The following CYP7B1 variants were observed in gnomAD, a reference collection of about 807,000 sequenced individuals.
CYP7B1 encodes the protein cytochrome P450 7B1.
In CYP7B1, 29 loss-of-function variants were observed where a neutral mutation model predicts 42.7. That is an observed-to-expected ratio of 0.68 (90% confidence interval 0.51 to 0.93). CYP7B1 has a LOEUF of 0.93. CYP7B1 is among the 40% of genes least tolerant of loss of function. The probability of loss-of-function intolerance (pLI) is 0.00; values close to 1 mark genes in which losing one functional copy is unlikely to be tolerated. For missense variants in CYP7B1, 655 were observed against 600.5 expected, an observed-to-expected ratio of 1.09 and a Z score of -0.95; for synonymous variants, 235 against 218.2, an observed-to-expected ratio of 1.08 and a Z score of -0.68.
At chr8:64,628,148 C>G (rs950628189) in intron 1 of CYP7B1, among the ~76,000 whole-genome samples, 2 of 152,164 alleles carry the variant, frequency 1.3e-5, no homozygotes, top group Non-Finnish European at 2.9e-5. Flanking sequence ...ATATACATTT[C>G]CTCAAATCTT....
chr8:64,651,509 T>A (rs759227667), intron 1 of CYP7B1, among the ~76,000 whole-genome samples: 2 of 152,248 alleles, frequency 1.3e-5, no homozygotes, highest in African/African-American at 2.4e-5. Context: ...TGGAATAAGA[T>A]CTTTTTCTGT....
chr8:64,721,717 A>T (rs1219401179), intron 1 of CYP7B1, among the ~76,000 whole-genome samples: 1 of 152,138 alleles, frequency 6.6e-6, no homozygotes, highest in Non-Finnish European at 1.5e-5. Context: ...TATAGATGAA[A>T]ATATTTACAG....
chr8:64,701,633 T>G (rs924563221), intron 1 of CYP7B1, among the ~76,000 whole-genome samples: 1 of 152,084 alleles, frequency 6.6e-6, no homozygotes, highest in Non-Finnish European at 1.5e-5. Flanking sequence ...TAGGTATAGA[T>G]AGTCTCTCTA....
chr8:64,654,139 C>T (rs1038323627), intron 1 of CYP7B1, among the ~76,000 whole-genome samples: 15 of 152,174 alleles, frequency 9.9e-5, no homozygotes, highest in Non-Finnish European at 2.2e-4. Context: ...CTCACCACTC[C>T]TATTCAACAT....
chr8:64,740,634 A>G (rs1416373184), intron 1 of CYP7B1, among the ~76,000 whole-genome samples: 1 of 151,904 alleles, frequency 6.6e-6, no homozygotes, highest in Non-Finnish European at 1.5e-5. Flanking sequence ...AACAGAGAAG[A>G]TATAACTTGC....
intron 1 of CYP7B1, among the ~76,000 whole-genome samples, chr8:64,759,042 T>C (rs753410153): frequency 1.3e-5 from 2 of 152,190 alleles, no homozygotes; most frequent in African/African-American, 4.8e-5. Context: ...GGAGTCCTGC[T>C]GTACTGTGAG....
At chr8:64,629,302 CT>C (rs199657235) in intron 1 of CYP7B1, among the ~76,000 whole-genome samples, 1,846 of 151,274 alleles carry the variant, frequency 0.012, 21 homozygotes, top group South Asian at 0.027. Flanking sequence ...TTCTTTTCCA[CT>C]TTTCCTGTAA....
At chr8:64,676,011 A>G (rs897091064) in intron 1 of CYP7B1, among the ~76,000 whole-genome samples, 2 of 152,094 alleles carry the variant, frequency 1.3e-5, no homozygotes, top group Non-Finnish European at 2.9e-5. Flanking sequence ...TTAACTCCCC[A>G]GTCCGGACAG....
chr8:64,678,714 C>T (rs1806488404), intron 1 of CYP7B1, among the ~76,000 whole-genome samples: 1 of 152,058 alleles, frequency 6.6e-6, no homozygotes, highest in Non-Finnish European at 1.5e-5. Flanking sequence ...GAAAACGCTG[C>T]TTTGAGGTAG....
intron 4 of CYP7B1, among the ~76,000 whole-genome samples, chr8:64,610,087 A>G (rs1042291679): frequency 5.9e-5 from 9 of 152,182 alleles, no homozygotes; most frequent in Non-Finnish European, 1.0e-4. Context: ...CATGTTTCTC[A>G]TCCTATTCTT....
chr8:64,606,924 C>T (rs560866569), intron 4 of CYP7B1, among the ~76,000 whole-genome samples: 25 of 152,256 alleles, frequency 1.6e-4, no homozygotes, highest in East Asian at 1.4e-3. Context: ...CAGAGCTATA[C>T]GTTGAGAAGA....
At chr8:64,614,561 T>C (rs911166257) in intron 4 of CYP7B1, among the ~76,000 whole-genome samples, 1 of 152,180 alleles carries the variant, frequency 6.6e-6, no homozygotes, top group African/African-American at 2.4e-5. Context: ...TCTGTGTTTT[T>C]GAGAATCACA....
chr8:64,600,779 T>C (rs1338547379), intron 5 of CYP7B1, among the ~76,000 whole-genome samples: 1 of 152,180 alleles, frequency 6.6e-6, no homozygotes, highest in Non-Finnish European at 1.5e-5. Context: ...AGCCCTGGTT[T>C]ACCAGCACAC....
At chr8:64,742,429 A>G (rs527754285) in intron 1 of CYP7B1, among the ~76,000 whole-genome samples, 1 of 152,120 alleles carries the variant, frequency 6.6e-6, no homozygotes, top group African/African-American at 2.4e-5. Context: ...GTTTTGATGG[A>G]TTTATTAATA....
At chr8:64,715,946 T>A (rs967774424) in intron 1 of CYP7B1, among the ~76,000 whole-genome samples, 5 of 152,252 alleles carry the variant, frequency 3.3e-5, no homozygotes, top group African/African-American at 1.2e-4. Context: ...CCTATTCCAT[T>A]ATTTCTATTT....
At chr8:64,656,959 G>C (rs1806129003) in intron 1 of CYP7B1, among the ~76,000 whole-genome samples, 1 of 152,004 alleles carries the variant, frequency 6.6e-6, no homozygotes, top group Admixed American at 6.6e-5. Context: ...AAGCATCTCT[G>C]CCAGTCACAC....
chr8:64,701,623 T>A lies in CYP7B1; in HGVS notation c.123-77084A>T, dbSNP rs561231194. The stretch of plus-strand genomic sequence containing the variant: ...CCTGAATAAAATTTGCATTTAATTG[T>A]AGGTATAGATAGTCTCTCTATTTGA... On this transcript the variant is annotated intron_variant, in intron 1 of 5. Transcript: ENST00000310193. Among the ~76,000 whole-genome samples the A allele has an allele frequency of 2.6e-5, 4 of 152,214 alleles. No homozygotes were observed. In the East Asian group the frequency reaches 7.7e-4, roughly 29 times the overall value.
intron 1 of CYP7B1, among the ~76,000 whole-genome samples, chr8:64,757,234 C>T (rs1438129484): frequency 6.6e-6 from 1 of 152,148 alleles, no homozygotes; most frequent in Non-Finnish European, 1.5e-5. Context: ...TTCAGTTTGG[C>T]TTCCTACACT....
chr8:64,638,885 G>A (rs557775140), intron 1 of CYP7B1, among the ~76,000 whole-genome samples: 1 of 151,800 alleles, frequency 6.6e-6, no homozygotes, highest in African/African-American at 2.4e-5. Flanking sequence ...TTTAAATTGG[G>A]ACCTAGAAAA....
Sources: allele counts gnomAD v4.1 joint callset (sites outside exome capture counted in the v4.1 genomes callset), GRCh38; gene constraint gnomAD v4.1.1; transcripts MANE v1.5; gene names NCBI Gene and HGNC (gene_info 2026-07-23, HGNC 2026-07-21).